HIP1: variants seen among roughly 807,000 people sequenced by gnomAD.
HIP1 encodes huntingtin-interacting protein 1.
HIP1 carries 65 observed loss-of-function variants against 147.6 expected under a neutral mutation model. The observed-to-expected ratio is 0.44, with a 90% CI of 0.36 to 0.54. The LOEUF is 0.54. Ranked by LOEUF, HIP1 falls within the 20% of genes least tolerant of loss-of-function variation. The probability of loss-of-function intolerance (pLI) is 0.00; values close to 1 mark genes in which losing one functional copy is unlikely to be tolerated. For missense variants in HIP1, 1,061 were observed against 1,299.6 expected (o/e 0.82, Z 2.82); for synonymous variants, 479 against 504.0 (o/e 0.95, Z 0.67).
At chr7:75,542,038 G>T in intron 28 of HIP1, 58 bp from the exon 29 acceptor site, 1 of 1,401,792 alleles carries the variant, frequency 7.1e-7, no homozygotes, top group South Asian at 1.2e-5. Context: ...ACTGGCACCT[G>T]AGAGGCAGCC....
At chr7:75,714,402 T>C (rs1801253220) in intron 1 of HIP1, among the ~76,000 whole-genome samples, 1 of 151,768 alleles carries the variant, frequency 6.6e-6, no homozygotes, top group Non-Finnish European at 1.5e-5. Flanking sequence ...TAGTGCAGAG[T>C]TCCCAGACAC....
intron 1 of HIP1, among the ~76,000 whole-genome samples, chr7:75,706,623 ATTTTTTTTTT>A (rs71082342): frequency 9.6e-6 from 1 of 103,642 alleles, no homozygotes; most frequent in Non-Finnish European, 1.9e-5. Flanking sequence ...TCAACTCGTC[ATTTTTTTTTT>A]TTTTTTTTTT....
intron 1 of HIP1, 104 bp downstream of exon 1, chr7:75,738,697 G>A: frequency 7.5e-7 from 1 of 1,341,284 alleles, no homozygotes. Context: ...CCCTCGCCCC[G>A]TCTTCAACTG....
intron 1 of HIP1, among the ~76,000 whole-genome samples, chr7:75,647,514 T>G (rs1287639404): frequency 6.6e-6 from 1 of 152,212 alleles, no homozygotes; most frequent in Non-Finnish European, 1.5e-5. Context: ...TGGCTGCTTT[T>G]GGGACTTTCG....
intron 4 of HIP1, 77 bp from the exon 5 acceptor site, chr7:75,586,910 G>T (rs2116947480): frequency 1.2e-6 from 1 of 859,940 alleles, no homozygotes; most frequent in Non-Finnish European, 2.0e-6. Flanking sequence ...GGAATTCTCT[G>T]GTAAAGAATC....
intron 1 of HIP1, among the ~76,000 whole-genome samples, chr7:75,631,387 A>G (rs782008232): frequency 2.0e-5 from 3 of 152,170 alleles, no homozygotes; most frequent in African/African-American, 7.2e-5. Context: ...CTACGATCTG[A>G]GAGTCGGCAA....
chr7:75,595,227 T>TTC (rs1563230082), intron 2 of HIP1, among the ~76,000 whole-genome samples: 10 of 102,378 alleles, frequency 9.8e-5, no homozygotes, highest in South Asian at 7.3e-4. Flanking sequence ...TTTCTTTCTT[T>TTC]CTTTCTTTCT....
At chr7:75,559,133 T>G (rs1481695990) in intron 14 of HIP1, among the ~76,000 whole-genome samples, 2 of 152,176 alleles carry the variant, frequency 1.3e-5, no homozygotes, top group African/African-American at 4.8e-5. Context: ...ATTTGAAATT[T>G]TTTAGAGACA....
intron 1 of HIP1, among the ~76,000 whole-genome samples, chr7:75,599,899 G>A (rs868956598): frequency 6.9e-6 from 1 of 145,892 alleles, no homozygotes; most frequent in African/African-American, 2.6e-5. Context: ...GCAGTGGCCC[G>A]ATCTTGGCTC....
intron 1 of HIP1, among the ~76,000 whole-genome samples, chr7:75,703,068 G>A (rs1379519354): frequency 6.6e-6 from 1 of 152,182 alleles, no homozygotes; most frequent in African/African-American, 2.4e-5. Context: ...TAACATAAAG[G>A]GCCGGGTGAG....
intron 1 of HIP1, among the ~76,000 whole-genome samples, chr7:75,686,332 C>T (rs1397503500): frequency 1.3e-5 from 2 of 152,142 alleles, no homozygotes; most frequent in African/African-American, 2.4e-5. Flanking sequence ...GATATTCTCT[C>T]GTATTTTTTT....
chr7:75,583,798 G>A (rs995954744), intron 5 of HIP1, among the ~76,000 whole-genome samples: 30 of 148,900 alleles, frequency 2.0e-4, no homozygotes, highest in Non-Finnish European at 3.7e-4. Flanking sequence ...GTGTGTGTGT[G>A]TGTGTGTTTA....
chr7:75,606,672 G>A (rs755365858), intron 1 of HIP1, among the ~76,000 whole-genome samples: 27 of 152,074 alleles, frequency 1.8e-4, no homozygotes, highest in Non-Finnish European at 2.9e-4. Flanking sequence ...AAAAGGACCC[G>A]AAGGAACAAT....
chr7:75,597,990 C>T (rs1239931879), intron 2 of HIP1, among the ~76,000 whole-genome samples: 1 of 152,042 alleles, frequency 6.6e-6, no homozygotes, highest in Non-Finnish European at 1.5e-5. Flanking sequence ...TTACAGAGGG[C>T]TTTCAAGTCA....
At chr7:75,603,343 C>CAAAA (rs10546584) in intron 1 of HIP1, among the ~76,000 whole-genome samples, 4 of 127,536 alleles carry the variant, frequency 3.1e-5, no homozygotes, top group Non-Finnish European at 5.1e-5. Flanking sequence ...GCGAGACTCT[C>CAAAA]AAAAAAAAAA....
At chr7:75,592,167 G>C in intron 3 of HIP1, 55 bp from the exon 4 acceptor site, 1 of 1,558,432 alleles carries the variant, frequency 6.4e-7, no homozygotes. Context: ...GAAAGACAAA[G>C]GGAAGGAGGA....
intron 7 of HIP1, among the ~76,000 whole-genome samples, chr7:75,578,540 T>A (rs1409628335): frequency 1.3e-5 from 2 of 152,082 alleles, no homozygotes; most frequent in African/African-American, 4.8e-5. Context: ...TAGCTGGGCA[T>A]GGTGGTGCGT....
intron 2 of HIP1, 129 bp downstream of exon 2, chr7:75,599,055 G>A (rs1796872071): frequency 1.5e-6 from 1 of 680,582 alleles, no homozygotes; most frequent in Non-Finnish European, 2.6e-6. Flanking sequence ...GTCATCAGAA[G>A]CTGCAGGGAC....
In HIP1 at chr7:75,582,093, T is replaced by C. The variant is rs1554498718; in HGVS notation, c.524A>G (p.Glu175Gly). The change falls in exon 6 of 31, where the codon GAA (glutamate) becomes GGA (glycine). Residue 175 changes from glutamate (E) to glycine (G), a missense_variant. By Grantham distance (98) the Glu-to-Gly change is moderately conservative. This residue lies in a region of HIP1 where 225 missense variants were observed against 292.9 expected (regional missense o/e 0.77). Transcript: ENST00000336926. The stretch of plus-strand genomic sequence containing the variant: ...CACTTACAAGTTGTTCACGTCACTT[T>C]CTCCAGCCTCGTCCAGCTGGCGGTC... ...MSDRQLDEAG[E>G]SDVNNFFQLT... The C allele has an allele frequency of 6.2e-7, 1 of 1,613,830 alleles. No individual in the cohort carries two copies. Among genetic ancestry groups the C allele is most frequent in the African/African-American group, 1.3e-5 (1 of 74,920 alleles).
Sources: allele counts gnomAD v4.1 joint callset (sites outside exome capture counted in the v4.1 genomes callset), GRCh38; gene constraint gnomAD v4.1.1; regional missense constraint gnomAD v4.1.1; transcripts MANE v1.5; gene names NCBI Gene and HGNC (gene_info 2026-07-23, HGNC 2026-07-21).